Variants in DPP6 observed in about 807,000 individuals in gnomAD.
DPP6 encodes A-type potassium channel modulatory protein DPP6.
Under a neutral mutation model 122.6 loss-of-function variants are expected in DPP6, and 69 were observed. The observed-to-expected ratio is 0.56, with a 90% CI of 0.46 to 0.69. The LOEUF (loss-of-function observed/expected upper bound fraction) is 0.69, where lower values mean the gene tolerates loss of function less well. Among genes scored for constraint, DPP6 ranks in the 30% least tolerant of loss-of-function variants. The probability of loss-of-function intolerance (pLI) is 0.00; values close to 1 mark genes in which losing one functional copy is unlikely to be tolerated. For missense variants in DPP6, 928 were observed against 1,116.9 expected (o/e 0.83, Z 2.41); for synonymous variants, 418 against 433.1 (o/e 0.97, Z 0.43).
intron 1 of DPP6, among the ~76,000 whole-genome samples, chr7:154,409,505 A>G (rs1013192367): frequency 2.6e-5 from 4 of 152,226 alleles, no homozygotes; most frequent in Admixed American, 6.5e-5. Context: ...ATGGACTCAT[A>G]TAAGTCATCT....
At chr7:154,029,656 C>G in intron 1 of DPP6, among the ~76,000 whole-genome samples, 1 of 147,170 alleles carries the variant, frequency 6.8e-6, no homozygotes, top group East Asian at 2.1e-4. Flanking sequence ...ACCATCCTGG[C>G]TAACATGGTG....
At chr7:154,469,770 G>C (rs1452531255) in intron 2 of DPP6, among the ~76,000 whole-genome samples, 1 of 152,216 alleles carries the variant, frequency 6.6e-6, no homozygotes, top group African/African-American at 2.4e-5. Context: ...ATAATTGGAA[G>C]TCTTGTTCAA....
the DPP6 span, among the ~76,000 whole-genome samples, chr7:153,828,273 C>A: frequency 6.6e-6 from 1 of 152,158 alleles, no homozygotes; most frequent in Non-Finnish European, 1.5e-5. Flanking sequence ...GACAGTGTGA[C>A]TGTGGCATAG....
At chr7:154,662,383 C>G (rs36121221) in intron 6 of DPP6, among the ~76,000 whole-genome samples, 18,397 of 110,096 alleles carry the variant, frequency 0.17, 258 homozygotes, top group African/African-American at 0.19. Flanking sequence ...CGTATTGGCC[C>G]TAGTGTTCAT....
At chr7:154,466,104 A>G (rs572635221) in intron 2 of DPP6, among the ~76,000 whole-genome samples, 2 of 152,306 alleles carry the variant, frequency 1.3e-5, no homozygotes, top group East Asian at 3.9e-4. Flanking sequence ...CTAACACAGG[A>G]ACAAGAAAAC....
chr7:154,357,810 C>G (rs1811395125), intron 1 of DPP6, among the ~76,000 whole-genome samples: 1 of 152,018 alleles, frequency 6.6e-6, no homozygotes, highest in African/African-American at 2.4e-5. Context: ...GGCCCGATGG[C>G]ACATGCCTGT....
Position 154,446,315 on chromosome 7 carries a change from A to T in DPP6, c.345A>T (p.Ile115=). 1 of 1,611,754 alleles carries T rather than the reference A, an allele frequency of 6.2e-7. No homozygotes were observed. The highest frequency in any genetic ancestry group is 1.3e-5 in the African/African-American group (1 of 74,958). ...GCTCCTTGATCGTCACCTCGGTCAT[A>T]CTTCTGACACCAGGTACTGTATTCA... ...VICSLIVTSV[I]LLTPAEDNSL... is the part of the protein sequence containing the mutation. The change falls in exon 2 of 26, where the codon ATA becomes ATT. Residue 115 remains isoleucine, a synonymous_variant. Coordinates refer to ENST00000377770, the MANE Select transcript of DPP6 (RefSeq NM_130797.4).
intron 1 of DPP6, among the ~76,000 whole-genome samples, chr7:154,407,349 C>T (rs1425082061): frequency 2.0e-5 from 3 of 152,174 alleles, no homozygotes; most frequent in African/African-American, 7.2e-5. Flanking sequence ...CATGTAATAT[C>T]TTAACTGCCC....
At chr7:154,145,462 G>A (rs1274263908) in intron 1 of DPP6, among the ~76,000 whole-genome samples, 2 of 152,232 alleles carry the variant, frequency 1.3e-5, no homozygotes, top group African/African-American at 4.8e-5. Flanking sequence ...ATGGGACCCT[G>A]AGCTGTGAGT....
intron 19 of DPP6, among the ~76,000 whole-genome samples, chr7:154,874,663 C>T (rs1477454565): frequency 2.6e-5 from 4 of 152,352 alleles, no homozygotes; most frequent in Admixed American, 2.6e-4. Flanking sequence ...CAGCCCTTGG[C>T]AGACAGCTGG....
intron 1 of DPP6, among the ~76,000 whole-genome samples, chr7:154,298,134 G>A (rs1256357478): frequency 6.6e-6 from 1 of 152,150 alleles, no homozygotes; most frequent in East Asian, 1.9e-4. Context: ...AAAGGATTCT[G>A]CCTCCAGACA....
chr7:154,178,921 G>A (rs1450742663), intron 1 of DPP6, among the ~76,000 whole-genome samples: 1 of 152,184 alleles, frequency 6.6e-6, no homozygotes, highest in African/African-American at 2.4e-5. Flanking sequence ...CAAGGGAAGT[G>A]GCAGGGTCCC....
chr7:154,313,024 C>T (rs1412055957), intron 1 of DPP6, among the ~76,000 whole-genome samples: 1 of 152,182 alleles, frequency 6.6e-6, no homozygotes, highest in Non-Finnish European at 1.5e-5. Flanking sequence ...AGCATTCACT[C>T]TAGGAATTCC....
chr7:153,771,597 C>T, the DPP6 span, among the ~76,000 whole-genome samples: 12 of 152,136 alleles, frequency 7.9e-5, no homozygotes, highest in Non-Finnish European at 1.5e-4. Context: ...GCCTCGGCCT[C>T]CCAAAGTGCT....
intron 16 of DPP6, among the ~76,000 whole-genome samples, chr7:154,831,216 C>CA (rs1800604789): frequency 6.6e-6 from 1 of 152,216 alleles, no homozygotes; most frequent in African/African-American, 2.4e-5. Context: ...GAGAGCTCTC[C>CA]AGGCCACCTG....
chr7:154,864,409 C>T (rs574087713), intron 17 of DPP6, among the ~76,000 whole-genome samples: 23 of 152,306 alleles, frequency 1.5e-4, no homozygotes, highest in Non-Finnish European at 2.2e-4. Context: ...TGAGTCTCTG[C>T]GGTCTCACTG....
At chr7:154,006,321 A>G (rs1047285959) in intron 1 of DPP6, among the ~76,000 whole-genome samples, 2 of 151,918 alleles carry the variant, frequency 1.3e-5, no homozygotes, top group African/African-American at 4.8e-5. Context: ...GAGGGCCAGA[A>G]TCAGTCCTAT....
chr7:154,812,833 A>C (rs1397886929), intron 16 of DPP6, among the ~76,000 whole-genome samples: 1 of 152,034 alleles, frequency 6.6e-6, no homozygotes, highest in Non-Finnish European at 1.5e-5. Flanking sequence ...TTTTTCTTCC[A>C]CAGTGTATTT....
At chr7:153,855,703 C>T in the DPP6 span, among the ~76,000 whole-genome samples, 1 of 152,066 alleles carries the variant, frequency 6.6e-6, no homozygotes, top group South Asian at 2.1e-4. Context: ...CAACACTCAG[C>T]CAGACATTGG....
Sources: allele counts gnomAD v4.1 joint callset (sites outside exome capture counted in the v4.1 genomes callset), GRCh38; gene constraint gnomAD v4.1.1; transcripts MANE v1.5; gene names NCBI Gene and HGNC (gene_info 2026-07-23, HGNC 2026-07-21).